Variants in RALYL observed in about 807,000 individuals in gnomAD.
RALYL encodes RNA-binding Raly-like protein.
RALYL carries 29 observed loss-of-function variants against 35.1 expected under a neutral mutation model. The ratio of observed to expected loss-of-function variants is 0.83; its 90% CI spans 0.61 to 1.13. The LOEUF is 1.13. RALYL is among the 50% of genes most tolerant of loss of function. RALYL has a pLI of 0.00. For missense variants in RALYL, 359 were observed against 360.4 expected (o/e 1.00, Z 0.03); for synonymous variants, 120 against 127.6 (o/e 0.94, Z 0.40).
intron 8 of RALYL, among the ~76,000 whole-genome samples, chr8:84,904,933 G>A (rs1008646252): frequency 1.3e-5 from 2 of 152,106 alleles, no homozygotes; most frequent in Non-Finnish European, 2.9e-5. Context: ...TGCCAGTGAA[G>A]AGAGACTGAA....
intron 1 of RALYL, among the ~76,000 whole-genome samples, chr8:84,251,961 T>A (rs1329806295): frequency 6.6e-6 from 1 of 152,088 alleles, no homozygotes; most frequent in Non-Finnish European, 1.5e-5. Context: ...ACTTAATACT[T>A]GAACCTATAT....
intron 2 of RALYL, among the ~76,000 whole-genome samples, chr8:84,615,570 C>CTTTTTT (rs60428128): frequency 9.1e-4 from 61 of 67,386 alleles, no homozygotes; most frequent in African/African-American, 1.5e-3. Context: ...GAACTTTCGT[C>CTTTTTT]TTTTTTTTTT....
chr8:84,208,128 G>A (rs569570375), intron 1 of RALYL, among the ~76,000 whole-genome samples: 7 of 152,034 alleles, frequency 4.6e-5, no homozygotes, highest in African/African-American at 1.4e-4. Flanking sequence ...TACACATATC[G>A]GATTATGATA....
Position 84,603,572 on chromosome 8 carries a change from C to T in RALYL, c.256+73995C>T, listed in dbSNP as rs1449785309. ...CTTCACAGTCACACCGTGAGGCTTA[C>T]CTCCTGCCCACTGTAGACAAGAGGC... On this transcript the variant is annotated intron_variant, in intron 2 of 8. Transcript: ENST00000521268. Among the ~76,000 whole-genome samples the T allele has an allele frequency of 2.0e-5, 3 of 152,080 alleles. No homozygotes were observed. The East Asian group carries it at 5.8e-4, about 29-fold the overall frequency.
At chr8:84,885,709 T>C (rs1442558149) in intron 7 of RALYL, among the ~76,000 whole-genome samples, 1 of 152,148 alleles carries the variant, frequency 6.6e-6, no homozygotes, top group Non-Finnish European at 1.5e-5. Flanking sequence ...CCCGTAGTAA[T>C]TATTTCCAGC....
chr8:84,463,304 A>T (rs2133433138), intron 1 of RALYL, among the ~76,000 whole-genome samples: 1 of 152,128 alleles, frequency 6.6e-6, no homozygotes, highest in Admixed American at 6.6e-5. Context: ...CATGGACAAC[A>T]TCCTGTATTA....
chr8:84,464,133 T>A (rs542301052), intron 1 of RALYL, among the ~76,000 whole-genome samples: 1 of 103,554 alleles, frequency 9.7e-6, no homozygotes, highest in Non-Finnish European at 2.1e-5. Flanking sequence ...TAAAACAAGT[T>A]TTTTTTTTGT....
intron 4 of RALYL, among the ~76,000 whole-genome samples, chr8:84,818,511 G>T (rs1827841226): frequency 6.6e-6 from 1 of 152,144 alleles, no homozygotes; most frequent in Non-Finnish European, 1.5e-5. Context: ...AGCAGAGAAG[G>T]CACCATACCC....
chr8:84,834,145 T>C (rs1419059278), intron 4 of RALYL, among the ~76,000 whole-genome samples: 1 of 152,206 alleles, frequency 6.6e-6, no homozygotes, highest in East Asian at 1.9e-4. Flanking sequence ...AGTGTACTCT[T>C]CGACTACGTG....
chr8:84,767,461 G>T (rs1814378782), intron 2 of RALYL, among the ~76,000 whole-genome samples: 2 of 152,100 alleles, frequency 1.3e-5, no homozygotes, highest in South Asian at 4.1e-4. Flanking sequence ...ATATCAGAGG[G>T]ATAATTTTGG....
chr8:84,425,051 A>T (rs376762266), intron 1 of RALYL, among the ~76,000 whole-genome samples: 2 of 151,890 alleles, frequency 1.3e-5, no homozygotes, highest in South Asian at 2.1e-4. Flanking sequence ...AGGCAGGCAG[A>T]CCTCCTTGAG....
intron 4 of RALYL, among the ~76,000 whole-genome samples, chr8:84,807,260 C>A (rs1183295139): frequency 1.3e-5 from 2 of 152,134 alleles, no homozygotes; most frequent in Non-Finnish European, 2.9e-5. Context: ...TGAACACATA[C>A]GATGTTTGGT....
chr8:84,811,067 T>C (rs1264456263), intron 4 of RALYL, among the ~76,000 whole-genome samples: 2 of 148,204 alleles, frequency 1.3e-5, no homozygotes, highest in Non-Finnish European at 2.9e-5. Flanking sequence ...TTTTGTTTTT[T>C]GTTTTTTTTT....
intron 2 of RALYL, among the ~76,000 whole-genome samples, chr8:84,627,749 C>T (rs1267267378): frequency 6.6e-6 from 1 of 151,940 alleles, no homozygotes; most frequent in Non-Finnish European, 1.5e-5. Flanking sequence ...CACTTTCCCA[C>T]CATAATGAAT....
At chr8:84,591,991 T>G (rs573520054) in intron 2 of RALYL, among the ~76,000 whole-genome samples, 4 of 152,290 alleles carry the variant, frequency 2.6e-5, no homozygotes, top group Non-Finnish European at 5.9e-5. Flanking sequence ...CAATGTGAAT[T>G]TTGTACTATA....
Position 84,634,918 on chromosome 8 carries a change from C to G in RALYL, c.256+105341C>G, listed in dbSNP as rs899334542. Among the ~76,000 whole-genome samples the G allele has an allele frequency of 2.0e-5, 3 of 151,834 alleles. No individual in the cohort carries two copies. The South Asian group carries it at 6.2e-4, about 31-fold the overall frequency. ...TTCCACGGCATTTATTGAGTTGAAG[C>G]CTTTAATCCTGTAAACTACACTCAG... On this transcript the variant is annotated intron_variant, in intron 2 of 8. Coordinates refer to ENST00000521268, the MANE Select transcript of RALYL (RefSeq NM_173848.7).
chr8:84,246,901 G>A (rs1273941234), intron 1 of RALYL, among the ~76,000 whole-genome samples: 1 of 152,148 alleles, frequency 6.6e-6, no homozygotes, highest in Non-Finnish European at 1.5e-5. Flanking sequence ...GCCATCAAAT[G>A]TCTATGACCC....
chr8:84,848,740 G>A (rs1433288668), intron 4 of RALYL, among the ~76,000 whole-genome samples: 2 of 152,144 alleles, frequency 1.3e-5, no homozygotes, highest in South Asian at 4.1e-4. Context: ...TTTTGTGAAT[G>A]TACTTAACGC....
intron 4 of RALYL, among the ~76,000 whole-genome samples, chr8:84,845,234 A>T (rs566908558): frequency 5.1e-4 from 77 of 152,252 alleles, no homozygotes; most frequent in Non-Finnish European, 1.1e-3. Context: ...CCCTCAATCA[A>T]TAGCAATTGA....
Sources: gnomAD v4.1 joint callset for allele counts (sites outside exome capture counted in the v4.1 genomes callset) on GRCh38, gnomAD v4.1.1 for gene constraint, MANE v1.5 for transcripts, NCBI Gene and HGNC (gene_info 2026-07-23, HGNC 2026-07-21) for gene names.